Variants in ADGRL2 observed in about 807,000 individuals in gnomAD.
The protein encoded by ADGRL2 is calcium-independent alpha-latrotoxin receptor 2.
In ADGRL2, 44 loss-of-function variants were observed where a neutral mutation model predicts 157.4. The ratio of observed to expected loss-of-function variants is 0.28; its 90% CI spans 0.22 to 0.36. The LOEUF is 0.36. Ranked by LOEUF, ADGRL2 falls within the 10% of genes least tolerant of loss-of-function variation. ADGRL2 has a pLI of 1.00. For synonymous variants in ADGRL2, 585 were observed against 624.7 expected, an observed-to-expected ratio of 0.94 and a Z score of 0.95; for missense variants, 1,510 against 1,768.9, an observed-to-expected ratio of 0.85 and a Z score of 2.63.
At chr1:81,525,224 C>T (rs957699373) in intron 2 of ADGRL2, among the ~76,000 whole-genome samples, 8 of 152,078 alleles carry the variant, frequency 5.3e-5, no homozygotes, top group Non-Finnish European at 7.4e-5. Context: ...CTCTTCAAAC[C>T]AGTAAGCTTG....
chr1:81,953,411 G>A (rs544087180), intron 10 of ADGRL2, among the ~76,000 whole-genome samples: 1 of 152,204 alleles, frequency 6.6e-6, no homozygotes, highest in Admixed American at 6.5e-5. Context: ...ATATGTGCAT[G>A]AAAAAGTCAC....
At chr1:81,629,663 GTA>G (rs201674444) in intron 3 of ADGRL2, among the ~76,000 whole-genome samples, 24 of 95,104 alleles carry the variant, frequency 2.5e-4, no homozygotes, top group African/African-American at 5.6e-4. Flanking sequence ...ATGAATGAAT[GTA>G]TATGTGTGTG....
intron 1 of ADGRL2, among the ~76,000 whole-genome samples, chr1:81,747,064 G>A (rs1241566747): frequency 1.4e-5 from 2 of 145,572 alleles, no homozygotes; most frequent in African/African-American, 5.0e-5. Flanking sequence ...ATATACACAT[G>A]TGTATATATG....
At chr1:81,846,901 G>A (rs2092812026) in intron 2 of ADGRL2, among the ~76,000 whole-genome samples, 1 of 151,838 alleles carries the variant, frequency 6.6e-6, no homozygotes, top group Non-Finnish European at 1.5e-5. Flanking sequence ...GATGTTGACA[G>A]GCTTTTTAAA....
At chr1:81,455,611 T>A (rs923929839) in intron 2 of ADGRL2, among the ~76,000 whole-genome samples, 1 of 152,222 alleles carries the variant, frequency 6.6e-6, no homozygotes, top group African/African-American at 2.4e-5. Flanking sequence ...TTATTTGTTT[T>A]TTATTTTCTC....
chr1:81,310,004 T>G (rs1659633266), intron 1 of ADGRL2, among the ~76,000 whole-genome samples: 1 of 152,196 alleles, frequency 6.6e-6, no homozygotes, highest in Admixed American at 6.5e-5. Flanking sequence ...TTTTCTGTCT[T>G]GTCATACCTT....
intron 2 of ADGRL2, among the ~76,000 whole-genome samples, chr1:81,766,812 A>T (rs1352636717): frequency 6.8e-6 from 1 of 147,360 alleles, no homozygotes; most frequent in Non-Finnish European, 1.5e-5. Context: ...CCTGGGCAAC[A>T]AGAGCAAAAC....
intron 2 of ADGRL2, among the ~76,000 whole-genome samples, chr1:81,852,394 C>T (rs1044641279): frequency 3.3e-5 from 5 of 151,894 alleles, no homozygotes; most frequent in South Asian, 2.1e-4. Context: ...AGCTTCTTTT[C>T]GGAAGAGATA....
At chr1:81,499,428 T>G (rs2078797104) in intron 2 of ADGRL2, among the ~76,000 whole-genome samples, 1 of 152,258 alleles carries the variant, frequency 6.6e-6, no homozygotes, top group Non-Finnish European at 1.5e-5. Context: ...GTGATGGATC[T>G]CCTTGCAGTT....
At chr1:81,565,046 A>C in intron 2 of ADGRL2, among the ~76,000 whole-genome samples, 1 of 152,342 alleles carries the variant, frequency 6.6e-6, no homozygotes, top group East Asian at 1.9e-4. Flanking sequence ...AAGTCAGTGG[A>C]TATAAATAAC....
intron 3 of ADGRL2, among the ~76,000 whole-genome samples, chr1:81,686,629 T>C (rs2083233830): frequency 6.6e-6 from 1 of 152,198 alleles, no homozygotes; most frequent in Admixed American, 6.5e-5. Context: ...TTGTTTCAGT[T>C]TCATTTAATT....
chr1:81,387,459 A>C (rs1166908068), intron 1 of ADGRL2, among the ~76,000 whole-genome samples: 2 of 152,102 alleles, frequency 1.3e-5, no homozygotes, highest in Non-Finnish European at 2.9e-5. Flanking sequence ...GGTTGTATTT[A>C]TGATTTGTTT....
chr1:81,932,119 T>C (rs1345033135), intron 3 of ADGRL2, among the ~76,000 whole-genome samples: 1 of 152,138 alleles, frequency 6.6e-6, no homozygotes, highest in Non-Finnish European at 1.5e-5. Flanking sequence ...TTACAATGGG[T>C]CATATTTTTC....
chr1:81,691,862 A>T (rs2083341483), intron 3 of ADGRL2, among the ~76,000 whole-genome samples: 1 of 137,852 alleles, frequency 7.3e-6, no homozygotes, highest in Non-Finnish European at 1.6e-5. Flanking sequence ...ATATATATAT[A>T]TATGGGTGTG....
At chr1:81,863,061 G>A (rs911807853) in intron 2 of ADGRL2, among the ~76,000 whole-genome samples, 8 of 152,008 alleles carry the variant, frequency 5.3e-5, no homozygotes, top group African/African-American at 1.7e-4. Context: ...TAAAGACAAG[G>A]GTTTTTAAAA....
intron 2 of ADGRL2, among the ~76,000 whole-genome samples, chr1:81,894,274 A>G (rs1364464559): frequency 6.6e-6 from 1 of 152,148 alleles, no homozygotes. Flanking sequence ...TTTTTTTTAA[A>G]TTATTTTCAG....
intron 3 of ADGRL2, among the ~76,000 whole-genome samples, chr1:81,589,935 G>A (rs1015476854): frequency 6.6e-6 from 1 of 152,118 alleles, no homozygotes; most frequent in Non-Finnish European, 1.5e-5. Flanking sequence ...TGTGAAATAA[G>A]TCTAGATCAG....
chr1:81,662,337 C>T (rs1557546539), intron 3 of ADGRL2, among the ~76,000 whole-genome samples: 2 of 149,074 alleles, frequency 1.3e-5, no homozygotes, highest in South Asian at 4.3e-4. Flanking sequence ...CTCACTGCAA[C>T]CTCTGCCTCC....
At chr1:81,315,441 TATA>T (rs1405057377) in intron 1 of ADGRL2, among the ~76,000 whole-genome samples, 1 of 152,142 alleles carries the variant, frequency 6.6e-6, no homozygotes, top group Admixed American at 6.5e-5. Context: ...GGGGGTCTTT[TATA>T]ATGTCATTTG....
Sources: gnomAD v4.1 joint callset for allele counts (sites outside exome capture counted in the v4.1 genomes callset) on GRCh38, gnomAD v4.1.1 for gene constraint, MANE v1.5 for transcripts, NCBI Gene and HGNC (gene_info 2026-07-23, HGNC 2026-07-21) for gene names.